Variants in GLRA3 observed in about 807,000 individuals in gnomAD.
GLRA3 encodes glycine receptor alpha 3.
GLRA3 carries 44 observed loss-of-function variants against 60.4 expected under a neutral mutation model. That is an observed-to-expected ratio of 0.73 (90% CI 0.57 to 0.94). GLRA3 has a LOEUF of 0.94. GLRA3 is among the 40% of genes least tolerant of loss of function. The probability of loss-of-function intolerance (pLI) is 0.00; values close to 1 mark genes in which losing one functional copy is unlikely to be tolerated. For synonymous variants in GLRA3, 223 were observed against 192.9 expected (o/e 1.16, Z -1.29); for missense variants, 508 against 564.6 (o/e 0.90, Z 1.02).
chr4:174,772,257 C>T (rs1738420055), intron 2 of GLRA3, among the ~76,000 whole-genome samples: 1 of 152,146 alleles, frequency 6.6e-6, no homozygotes, highest in East Asian at 1.9e-4. Flanking sequence ...ACTTCAGCCT[C>T]AGCCTCCATA....
At chr4:174,793,485 C>T (rs1050113559) in intron 1 of GLRA3, among the ~76,000 whole-genome samples, 8 of 151,406 alleles carry the variant, frequency 5.3e-5, no homozygotes, top group Non-Finnish European at 8.8e-5. Flanking sequence ...CAGGGTCTTG[C>T]TCTGTTGCCT....
intron 9 of GLRA3, among the ~76,000 whole-genome samples, chr4:174,655,686 T>C (rs1733168903): frequency 6.6e-6 from 1 of 152,068 alleles, no homozygotes; most frequent in Admixed American, 6.6e-5. Context: ...AATGAAAAAT[T>C]TACAGTTAAG....
chr4:174,794,961 A>T (rs1486080978), intron 1 of GLRA3, among the ~76,000 whole-genome samples: 5 of 151,854 alleles, frequency 3.3e-5, no homozygotes, highest in Non-Finnish European at 5.9e-5. Context: ...GCCGTTATTG[A>T]CATGTTCCAA....
At chr4:174,690,363 T>C (rs1469824698) in intron 5 of GLRA3, among the ~76,000 whole-genome samples, 1 of 152,208 alleles carries the variant, frequency 6.6e-6, no homozygotes, top group Non-Finnish European at 1.5e-5. Flanking sequence ...ATTTTCACAA[T>C]AATGTATTTA....
At chr4:174,813,055 A>G (rs1444668351) in intron 1 of GLRA3, among the ~76,000 whole-genome samples, 1 of 152,162 alleles carries the variant, frequency 6.6e-6, no homozygotes, top group East Asian at 1.9e-4. Flanking sequence ...ATGTAAAGAA[A>G]ATGGTTCAGA....
At chr4:174,660,917 G>C (rs989116298) in intron 7 of GLRA3, among the ~76,000 whole-genome samples, 14 of 152,140 alleles carry the variant, frequency 9.2e-5, no homozygotes, top group Admixed American at 8.5e-4. Context: ...GAAGCCCCTA[G>C]ATGTTAGCAC....
At chr4:174,782,605 G>A (rs1410342979) in intron 2 of GLRA3, among the ~76,000 whole-genome samples, 3 of 152,056 alleles carry the variant, frequency 2.0e-5, no homozygotes, top group African/African-American at 7.2e-5. Context: ...AAGCTGATAA[G>A]CAACTTCAGC....
rs1382332537 is a variant in GLRA3 at position 174,786,582 on chromosome 4, G to A, written c.199+2234C>T. ...ATATTTCAATATTGGGTAATGAAAT[G>A]ATGGTCAAAAGATGATGATGTTATT... On this transcript the variant is annotated intron_variant, in intron 2 of 9. Transcript: ENST00000274093. Among the ~76,000 whole-genome samples the A allele has an allele frequency of 2.0e-5, 3 of 152,172 alleles. No individual in the cohort carries two copies. The East Asian group carries it at 5.8e-4, about 29-fold the overall frequency.
chr4:174,643,525 C>T lies in GLRA3; in HGVS notation c.*261G>A. 8.9e-7 allele frequency: 1 copy of T among 1,123,136 alleles called. No individual in the cohort carries two copies. Among genetic ancestry groups the T allele is most frequent in the Non-Finnish European group, 1.1e-6 (1 of 914,242 alleles). 69.6% of individuals were successfully genotyped at this position (1,123,136 alleles called of 1,614,324 possible). A position where few individuals can be genotyped will look rare whatever the true frequency, so the allele number is the denominator to read the frequency against. On this transcript the variant is annotated 3_prime_UTR_variant, in exon 10 of 10. Transcript: ENST00000274093. ...AAACACATTGGCAGTAAAGCTTCCA[C>T]TTACATGGTTTACTGTGAAAAAACA...
chr4:174,798,801 G>A (rs560546284), intron 1 of GLRA3, among the ~76,000 whole-genome samples: 2 of 152,250 alleles, frequency 1.3e-5, no homozygotes, highest in Non-Finnish European at 2.9e-5. Context: ...GTGAGCGCCT[G>A]TAGTCCCAGC....
At chr4:174,742,125 AAAT>A (rs1369955716) in intron 3 of GLRA3, among the ~76,000 whole-genome samples, 2 of 152,156 alleles carry the variant, frequency 1.3e-5, no homozygotes, top group Non-Finnish European at 1.5e-5. Context: ...GTAATTTTAA[AAAT>A]AATAGTTAAA....
chr4:174,766,694 G>C (rs537687081), intron 3 of GLRA3, among the ~76,000 whole-genome samples: 67 of 151,866 alleles, frequency 4.4e-4, no homozygotes, highest in Non-Finnish European at 6.5e-4. Context: ...TAATTGCTAT[G>C]GTGACATTTT....
intron 7 of GLRA3, among the ~76,000 whole-genome samples, chr4:174,676,409 T>C (rs576873044): frequency 6.6e-6 from 1 of 151,892 alleles, no homozygotes; most frequent in East Asian, 1.9e-4. Flanking sequence ...AATTGGTATA[T>C]TTCTTCTGGA....
At position 174,714,652 on chromosome 4, in the gene GLRA3, G is replaced by A. The variant is rs1182589511; in HGVS notation, c.574+836C>T. Among the ~76,000 whole-genome samples, 4 of 152,108 alleles carry A rather than the reference G, an allele frequency of 2.6e-5. No homozygotes were observed. The East Asian group carries it at 7.7e-4, about 29-fold the overall frequency. ...TTTGACACCTGGAGTCTGAGGCTCG[G>A]CCTTCAAATTTTCCTCAAGGAATGT... is the stretch of plus-strand genomic sequence containing the variant. On this transcript the variant is annotated intron_variant, in intron 5 of 9. Transcript: ENST00000274093.
chr4:174,700,800 ACATTT>A (rs1313986508), intron 5 of GLRA3, among the ~76,000 whole-genome samples: 3 of 152,224 alleles, frequency 2.0e-5, no homozygotes, highest in African/African-American at 7.2e-5. Context: ...ACCAGCAACA[ACATTT>A]CCTTAAGCCT....
At chr4:174,674,085 C>T (rs1734012444) in intron 7 of GLRA3, among the ~76,000 whole-genome samples, 1 of 152,170 alleles carries the variant, frequency 6.6e-6, no homozygotes, top group African/African-American at 2.4e-5. Flanking sequence ...CAATAGCTTG[C>T]TTGGTAGACT....
At chr4:174,765,886 G>C (rs1738118666) in intron 3 of GLRA3, among the ~76,000 whole-genome samples, 2 of 151,438 alleles carry the variant, frequency 1.3e-5, no homozygotes, top group South Asian at 2.1e-4. Context: ...TACTAACTTT[G>C]AATAGAATCA....
intron 4 of GLRA3, among the ~76,000 whole-genome samples, chr4:174,723,447 T>C (rs1455596435): frequency 6.6e-6 from 1 of 152,144 alleles, no homozygotes; most frequent in Non-Finnish European, 1.5e-5. Flanking sequence ...AGCTCAGTAG[T>C]GTGTTCTTTG....
chr4:174,679,357 A>G (rs890196805), intron 6 of GLRA3, among the ~76,000 whole-genome samples: 1 of 152,088 alleles, frequency 6.6e-6, no homozygotes, highest in African/African-American at 2.4e-5. Flanking sequence ...ATAAGATATT[A>G]TCTCACCCCA....
Sources: gnomAD v4.1 joint callset for allele counts (sites outside exome capture counted in the v4.1 genomes callset) on GRCh38, gnomAD v4.1.1 for gene constraint, MANE v1.5 for transcripts, NCBI Gene and HGNC (gene_info 2026-07-23, HGNC 2026-07-21) for gene names.